ATP8B4: variants seen among roughly 807,000 people sequenced by gnomAD.
The protein encoded by ATP8B4 is ATPase phospholipid transporting 8B4 (putative).
ATP8B4 carries 133 observed loss-of-function variants against 145.6 expected under a neutral mutation model. The observed-to-expected ratio is 0.91, with a 90% CI of 0.79 to 1.05. The LOEUF (loss-of-function observed/expected upper bound fraction) is 1.05, where lower values mean the gene tolerates loss of function less well. Among genes scored for constraint, ATP8B4 ranks in the 50% least tolerant of loss-of-function variants. The pLI is 0.00. For missense variants in ATP8B4, 1,458 were observed against 1,425.2 expected (o/e 1.02, Z -0.37); for synonymous variants, 507 against 492.9 (o/e 1.03, Z -0.38).
At chr15:49,963,273 G>A (rs910361354) in intron 13 of ATP8B4, among the ~76,000 whole-genome samples, 2 of 152,156 alleles carry the variant, frequency 1.3e-5, no homozygotes, top group African/African-American at 4.8e-5. Context: ...AAAAATAACA[G>A]GTGCTGGCAA....
At chr15:50,142,208 G>A (rs530221630) in intron 1 of ATP8B4, among the ~76,000 whole-genome samples, 6 of 152,284 alleles carry the variant, frequency 3.9e-5, no homozygotes, top group African/African-American at 9.6e-5. Context: ...TCTGGATGCC[G>A]AAGGAAAGCA....
chr15:49,927,588 G>T (rs2040842839), intron 16 of ATP8B4, among the ~76,000 whole-genome samples: 1 of 152,094 alleles, frequency 6.6e-6, no homozygotes, highest in Admixed American at 6.5e-5. Context: ...GATCCATTAA[G>T]GCAAACATCT....
chr15:49,969,595 G>C (rs891913893), intron 13 of ATP8B4, among the ~76,000 whole-genome samples: 6 of 152,130 alleles, frequency 3.9e-5, no homozygotes, highest in Admixed American at 2.0e-4. Context: ...TGCCTGAATA[G>C]ACCAATAACA....
chr15:49,860,508 C>A, intron 27 of ATP8B4, 33 bp from the exon 28 acceptor site: 1 of 1,561,420 alleles, frequency 6.4e-7, no homozygotes, highest in South Asian at 1.2e-5. Flanking sequence ...TGAGATGATG[C>A]ATCCAAATGA....
chr15:49,869,108 G>A (rs1334037122), intron 25 of ATP8B4, among the ~76,000 whole-genome samples: 5 of 151,966 alleles, frequency 3.3e-5, no homozygotes, highest in African/African-American at 4.8e-5. Context: ...ACAGGGTTTC[G>A]CCATGTTGGC....
At chr15:49,871,583 C>T (rs1430818924) in intron 25 of ATP8B4, among the ~76,000 whole-genome samples, 2 of 152,204 alleles carry the variant, frequency 1.3e-5, no homozygotes, top group Non-Finnish European at 1.5e-5. Context: ...CTGCTTTGGT[C>T]ATCTAGGTTA....
At chr15:50,167,171 C>T (rs2044607958) in intron 1 of ATP8B4, among the ~76,000 whole-genome samples, 1 of 152,078 alleles carries the variant, frequency 6.6e-6, no homozygotes, top group African/African-American at 2.4e-5. Context: ...AGTCAAAATC[C>T]CAATTTATTT....
At chr15:49,943,537 C>T (rs1467673660) in intron 14 of ATP8B4, among the ~76,000 whole-genome samples, 1 of 152,088 alleles carries the variant, frequency 6.6e-6, no homozygotes, top group African/African-American at 2.4e-5. Flanking sequence ...CCAGCAGAAA[C>T]CTTGCAGTCC....
intron 14 of ATP8B4, among the ~76,000 whole-genome samples, chr15:49,935,291 T>C (rs2041639332): frequency 6.6e-6 from 1 of 152,118 alleles, no homozygotes; most frequent in African/African-American, 2.4e-5. Context: ...CAATGATGTG[T>C]AGTGGATACT....
intron 6 of ATP8B4, among the ~76,000 whole-genome samples, chr15:50,022,163 ATGC>A (rs1343886152): frequency 2.6e-5 from 4 of 151,628 alleles, no homozygotes; most frequent in African/African-American, 9.7e-5. Flanking sequence ...CCACAAAAAA[ATGC>A]AACAACAAGG....
At chr15:50,058,038 C>A (rs1224289959) in intron 3 of ATP8B4, among the ~76,000 whole-genome samples, 4 of 152,248 alleles carry the variant, frequency 2.6e-5, no homozygotes, top group Middle Eastern at 3.4e-3. Flanking sequence ...CATATGCCTT[C>A]TCCAGAGAGA....
At chr15:50,013,994 G>A (rs2048906392) in intron 6 of ATP8B4, among the ~76,000 whole-genome samples, 1 of 152,128 alleles carries the variant, frequency 6.6e-6, no homozygotes, top group Admixed American at 6.5e-5. Context: ...ATCAAGTGTT[G>A]ACCTTAAGGA....
intron 22 of ATP8B4, 43 bp from the exon 23 acceptor site, chr15:49,897,558 A>G (rs757959460): frequency 7.1e-7 from 1 of 1,415,320 alleles, no homozygotes; most frequent in South Asian, 1.9e-5. Context: ...AAACAAAGCC[A>G]CGATCTCTTT....
chr15:50,162,915 G>A (rs188999974), intron 1 of ATP8B4, among the ~76,000 whole-genome samples: 3 of 152,176 alleles, frequency 2.0e-5, no homozygotes, highest in South Asian at 2.1e-4. Context: ...AGACTCTGAT[G>A]TATTCTTCAG....
intron 9 of ATP8B4, among the ~76,000 whole-genome samples, chr15:49,995,966 C>G (rs1215259573): frequency 6.6e-6 from 1 of 152,056 alleles, no homozygotes; most frequent in Non-Finnish European, 1.5e-5. Context: ...CTTAATCATA[C>G]ATGCAGATAT....
intron 2 of ATP8B4, among the ~76,000 whole-genome samples, chr15:50,096,543 C>T (rs1025529762): frequency 2.6e-5 from 4 of 151,902 alleles, no homozygotes; most frequent in East Asian, 1.9e-4. Context: ...GTATCCTGTC[C>T]GAGAAAAAAA....
chr15:50,032,191 C>T (rs1312358872), intron 6 of ATP8B4, among the ~76,000 whole-genome samples: 1 of 152,050 alleles, frequency 6.6e-6, no homozygotes, highest in Non-Finnish European at 1.5e-5. Flanking sequence ...CCTTGCCCCC[C>T]ACCCCCTGAC....
At chr15:49,888,919 C>T (rs1186934566) in intron 23 of ATP8B4, among the ~76,000 whole-genome samples, 1 of 152,038 alleles carries the variant, frequency 6.6e-6, no homozygotes, top group African/African-American at 2.4e-5. Flanking sequence ...ACAAACAGTT[C>T]GCCTAGGGAC....
chr15:49,961,339 CTTGT>C (rs1314150947), intron 14 of ATP8B4, among the ~76,000 whole-genome samples: 1 of 152,182 alleles, frequency 6.6e-6, no homozygotes, highest in Non-Finnish European at 1.5e-5. Context: ...CACTCTTACA[CTTGT>C]TTGTGTCAGG....
Sources: gnomAD v4.1 joint callset for allele counts (sites outside exome capture counted in the v4.1 genomes callset) on GRCh38, gnomAD v4.1.1 for gene constraint, MANE v1.5 for transcripts, NCBI Gene and HGNC (gene_info 2026-07-23, HGNC 2026-07-21) for gene names.